WNK3: variants seen among roughly 807,000 people sequenced by gnomAD.
The protein encoded by WNK3 is WNK lysine deficient protein kinase 3.
A neutral mutation model predicts 116.7 loss-of-function variants in WNK3; 18 were observed. That is an observed-to-expected ratio of 0.15 (90% CI 0.11 to 0.23). WNK3 has a LOEUF of 0.23. Ranked by LOEUF, WNK3 falls within the 10% of genes least tolerant of loss-of-function variation. WNK3 has a pLI of 1.00. For synonymous variants in WNK3, 404 were observed against 469.4 expected (o/e 0.86, Z 1.80); for missense variants, 993 against 1,323.8 (o/e 0.75, Z 3.88).
At chrX:54,239,560 A>C (rs782014487) in intron 17 of WNK3, among the ~76,000 whole-genome samples, 1 of 111,464 alleles carries the variant, frequency 9.0e-6, no homozygotes, top group East Asian at 2.8e-4. Flanking sequence ...AGATGCTTGA[A>C]ACACATAAAA....
chrX:54,225,659 A>C (rs1241360064), intron 22 of WNK3, among the ~76,000 whole-genome samples: 1 of 109,847 alleles, frequency 9.1e-6, no homozygotes, highest in Admixed American at 9.8e-5. Context: ...ATTTAAAGAC[A>C]ATCTGAATAA....
intron 2 of WNK3, among the ~76,000 whole-genome samples, chrX:54,332,142 T>G (rs782619672): frequency 8.9e-6 from 1 of 112,445 alleles, no homozygotes; most frequent in East Asian, 2.8e-4. Context: ...GTTCTGTCCC[T>G]ATTTAGTTCT....
rs182933402 is a variant in WNK3, at chrX:54,226,971, C to T, written c.4870+1743G>A. Reference sequence around the variant, plus strand: ...TACTATAGAGTCAATGGTGAGCCAACGGAATTTTAGATATGACAGTAAAAG... The same window carrying T: ...TACTATAGAGTCAATGGTGAGCCAATGGAATTTTAGATATGACAGTAAAAG... On this transcript the variant is annotated intron_variant, in intron 22 of 23. Transcript: ENST00000354646. Among the ~76,000 whole-genome samples the T allele has an allele frequency of 9.7e-3, 1,070 of 110,878 alleles. 7 individuals are homozygous for T. The highest frequency in any genetic ancestry group is 0.019 in the Middle Eastern group (4 of 211).
chrX:54,291,005 T>C (rs2068631847), intron 10 of WNK3, among the ~76,000 whole-genome samples: 1 of 111,683 alleles, frequency 9.0e-6, no homozygotes, highest in Admixed American at 9.6e-5. Flanking sequence ...CTAAAGGCTA[T>C]ACCTCAAACA....
chrX:54,259,277 C>T (rs1018275791), exon 11 of WNK3: 2 of 1,186,205 alleles, frequency 1.7e-6, no homozygotes, highest in Non-Finnish European at 1.1e-6. Context: ...TACTTACCTT[C>T]GAACTAAATC....
chrX:54,339,689 G>T (rs1603400879), intron 1 of WNK3, among the ~76,000 whole-genome samples: 1 of 111,923 alleles, frequency 8.9e-6, no homozygotes, highest in East Asian at 2.8e-4. Context: ...GCAAAAGAAT[G>T]AAGCTGGACC....
At chrX:54,201,997 T>C in exon 23 of WNK3, 1 of 1,210,880 alleles carries the variant, frequency 8.3e-7, no homozygotes, top group Non-Finnish European at 1.1e-6. Context: ...TTACTTCAGA[T>C]ACTTTATTCC....
intron 13 of WNK3, 56 bp downstream of exon 13, chrX:54,253,903 T>C (rs905527891): frequency 4.9e-6 from 4 of 810,905 alleles, no homozygotes; most frequent in Non-Finnish European, 7.2e-6. Flanking sequence ...GACAGAATTA[T>C]AGGGGAAAAA....
At chrX:54,286,828 A>G (rs1296955228) in intron 10 of WNK3, among the ~76,000 whole-genome samples, 1 of 107,442 alleles carries the variant, frequency 9.3e-6, no homozygotes, top group Non-Finnish European at 1.9e-5. Flanking sequence ...CAGGAGAATC[A>G]GTTGAACCCA....
chrX:54,241,885 T>C (rs1350606208), intron 17 of WNK3, among the ~76,000 whole-genome samples: 3 of 106,520 alleles, frequency 2.8e-5, no homozygotes, highest in Non-Finnish European at 5.8e-5. Flanking sequence ...ACCTGGGAAG[T>C]GGAGGTTGCA....
At chrX:54,215,116 C>CAAAAAAA (rs60946524) in intron 22 of WNK3, among the ~76,000 whole-genome samples, 2 of 29,458 alleles carry the variant, frequency 6.8e-5, no homozygotes, top group African/African-American at 1.1e-4. Context: ...GACTCCATCT[C>CAAAAAAA]AAAAAAAAAA....
At chrX:54,287,661 A>C (rs781927999) in intron 10 of WNK3, among the ~76,000 whole-genome samples, 2 of 111,676 alleles carry the variant, frequency 1.8e-5, no homozygotes, top group East Asian at 2.8e-4. Flanking sequence ...TAGGTCCTCA[A>C]ATTTTTTTTA....
chrX:54,232,133 A>ATG (rs1557149097), intron 21 of WNK3, among the ~76,000 whole-genome samples: 131 of 103,266 alleles, frequency 1.3e-3, no homozygotes, highest in African/African-American at 4.2e-3. Context: ...ATATATATAT[A>ATG]TATGTATGTA....
At chrX:54,268,194 C>T (rs920384445) in intron 10 of WNK3, among the ~76,000 whole-genome samples, 1 of 109,351 alleles carries the variant, frequency 9.1e-6, no homozygotes, top group African/African-American at 3.3e-5. Flanking sequence ...ACACCCAATA[C>T]TCAGGCTTTT....
intron 22 of WNK3, among the ~76,000 whole-genome samples, chrX:54,213,567 A>AC (rs1215569339): frequency 6.8e-5 from 6 of 88,277 alleles, no homozygotes; most frequent in Admixed American, 1.1e-4. Context: ...AAAAAAAACA[A>AC]ACAAAAAAAA....
Position 54,251,704 on chromosome X carries a change from C to A in WNK3, c.2368-17G>T. ...ATCTTCAACCTGCCCAAAAGTAAGT[C>A]TATTCATGAGAATGAATTCAGTTTC... is the stretch of plus-strand genomic sequence containing the variant. On this transcript the variant is annotated splice_polypyrimidine_tract_variant and intron_variant, in intron 13 of 23. Coordinates refer to ENST00000354646, the Ensembl canonical transcript of WNK3. 1 of 1,200,038 alleles carries A rather than the reference C, an allele frequency of 8.3e-7. No individual in the cohort carries two copies. Among genetic ancestry groups the A allele is most frequent in the South Asian group, 1.8e-5 (1 of 55,294 alleles).
intron 23 of WNK3, among the ~76,000 whole-genome samples, chrX:54,199,576 G>A (rs2067481381): frequency 8.9e-6 from 1 of 112,246 alleles, no homozygotes; most frequent in African/African-American, 3.2e-5. Context: ...GCTCACGCCT[G>A]TAATCCCAGC....
At chrX:54,347,633 G>A (rs913494841) in intron 1 of WNK3, among the ~76,000 whole-genome samples, 37 of 106,757 alleles carry the variant, frequency 3.5e-4, no homozygotes, top group Non-Finnish European at 1.2e-4. Flanking sequence ...CTGGGTGACC[G>A]AGTGAGACCC....
intron 2 of WNK3, among the ~76,000 whole-genome samples, chrX:54,324,713 A>G (rs2069077598): frequency 8.9e-6 from 1 of 112,468 alleles, no homozygotes. Flanking sequence ...GTGTGCCTAT[A>G]ATGTAATGAA....
Sources: allele counts gnomAD v4.1 joint callset (sites outside exome capture counted in the v4.1 genomes callset), GRCh38; gene constraint gnomAD v4.1.1; transcripts MANE v1.5; gene names NCBI Gene and HGNC (gene_info 2026-07-23, HGNC 2026-07-21).